The following COL4A5 variants were observed in gnomAD, a reference collection of about 807,000 sequenced individuals.
COL4A5 encodes the protein collagen alpha-5(IV) chain.
COL4A5 carries 26 observed loss-of-function variants against 130.2 expected under a neutral mutation model. The ratio of observed to expected loss-of-function variants is 0.20; its 90% confidence interval spans 0.15 to 0.28. COL4A5 has a LOEUF of 0.28. Ranked by LOEUF, COL4A5 falls within the 10% of genes least tolerant of loss-of-function variation. The probability of loss-of-function intolerance (pLI) is 1.00; values close to 1 mark genes in which losing one functional copy is unlikely to be tolerated. For missense variants in COL4A5, 1,131 were observed against 1,344.3 expected, an observed-to-expected ratio of 0.84 and a Z score of 2.48; for synonymous variants, 496 against 439.6, an observed-to-expected ratio of 1.13 and a Z score of -1.60.
rs1388962143 is a variant in COL4A5 at position 108,629,568 on chromosome X, A to G, written c.3246+3219A>G. Among the ~76,000 whole-genome samples, 5 of 111,771 alleles carry G rather than the reference A, an allele frequency of 4.5e-5. No homozygotes were observed. The East Asian group carries it at 1.1e-3, about 25-fold the overall frequency. On this transcript the variant is annotated intron_variant, in intron 36 of 52. Coordinates refer to ENST00000328300, the MANE Select transcript of COL4A5 (RefSeq NM_033380.3). ...TGACTCCAGTTTTTATCCTGAGCAA[A>G]TAGAGTGGAGTTGCTATATGCTGAA...
At chrX:108,648,138 A>G (rs756146107) in intron 36 of COL4A5, among the ~76,000 whole-genome samples, 1 of 111,328 alleles carries the variant, frequency 9.0e-6, no homozygotes, top group African/African-American at 3.3e-5. Flanking sequence ...ATTGATTGGA[A>G]TAATTTCAGA....
intron 36 of COL4A5, among the ~76,000 whole-genome samples, chrX:108,635,775 A>C (rs752678266): frequency 8.9e-6 from 1 of 112,472 alleles, no homozygotes; most frequent in South Asian, 3.6e-4. Flanking sequence ...GTAGGTACCA[A>C]AACAATTTAA....
intron 2 of COL4A5, among the ~76,000 whole-genome samples, chrX:108,540,445 C>A (rs973853013): frequency 9.1e-6 from 1 of 109,717 alleles, no homozygotes. Context: ...AGATGAAAGT[C>A]TTTTTTTTTG....
intron 1 of COL4A5, among the ~76,000 whole-genome samples, chrX:108,506,766 G>GTC (rs1399684546): frequency 1.8e-5 from 2 of 110,071 alleles, no homozygotes; most frequent in Admixed American, 9.7e-5. Flanking sequence ...GGACTCCTAA[G>GTC]AGATAGGTCT....
chrX:108,510,120 A>G (rs1032105374), intron 1 of COL4A5, among the ~76,000 whole-genome samples: 4 of 111,520 alleles, frequency 3.6e-5, no homozygotes, highest in Non-Finnish European at 7.5e-5. Context: ...ACTCATGAAC[A>G]CAGAAGGAAA....
At chrX:108,616,326 C>T (rs1342485673) in intron 30 of COL4A5, among the ~76,000 whole-genome samples, 1 of 110,202 alleles carries the variant, frequency 9.1e-6, no homozygotes, top group Non-Finnish European at 1.9e-5. Flanking sequence ...ACTGCAACCT[C>T]CTGGGCTCAA....
chrX:108,683,911 A>G (rs1430976036), intron 47 of COL4A5, among the ~76,000 whole-genome samples: 1 of 111,871 alleles, frequency 8.9e-6, no homozygotes, highest in East Asian at 2.8e-4. Flanking sequence ...TGCCCTGGCC[A>G]GAACTTCCAA....
chrX:108,530,169 A>C lies in COL4A5; in HGVS notation c.82-9577A>C, dbSNP rs886154150. The stretch of plus-strand genomic sequence containing the variant: ...GTGTTAGGTCACAATATAAGTCTCA[A>C]CAAATTTTAAAAATTGAAATAATAT... On this transcript the variant is annotated intron_variant, in intron 1 of 52. Transcript: ENST00000328300. Among the ~76,000 whole-genome samples, 8 of 111,812 alleles carry C rather than the reference A, an allele frequency of 7.2e-5. No homozygotes were observed. In the Admixed American group the frequency reaches 7.6e-4, roughly 11 times the overall value.
chrX:108,568,916 A>C, intron 6 of COL4A5, 95 bp downstream of exon 6: 1 of 768,194 alleles, frequency 1.3e-6, no homozygotes, highest in Non-Finnish European at 2.0e-6. Flanking sequence ...AAGAAGGGAT[A>C]TAGTGTCTTC....
chrX:108,658,088 A>G (rs2067879691), intron 37 of COL4A5, among the ~76,000 whole-genome samples: 1 of 110,860 alleles, frequency 9.0e-6, no homozygotes, highest in Admixed American at 9.7e-5. Context: ...TGTTAGTGCC[A>G]GGGTTTTGGC....
intron 1 of COL4A5, among the ~76,000 whole-genome samples, chrX:108,531,237 A>G (rs2065380635): frequency 1.1e-5 from 1 of 92,414 alleles, no homozygotes; most frequent in African/African-American, 3.9e-5. Flanking sequence ...GAGGGATAGC[A>G]TTAGGAGATA....
At chrX:108,595,633 A>G in intron 22 of COL4A5, 32 bp downstream of exon 22, 1 of 1,144,231 alleles carries the variant, frequency 8.7e-7, no homozygotes, top group East Asian at 3.0e-5. Context: ...CCTTCTAAAT[A>G]TTTTTTGGCT....
chrX:108,598,950 TC>T (rs1201922271), intron 25 of COL4A5, 80 bp downstream of exon 25: 2 of 1,001,967 alleles, frequency 2.0e-6, no homozygotes, highest in Non-Finnish European at 2.8e-6. Flanking sequence ...TGGCTTCCTT[TC>T]CCGAGAGGTG....
At chrX:108,510,808 C>A (rs2065173056) in intron 1 of COL4A5, among the ~76,000 whole-genome samples, 1 of 111,023 alleles carries the variant, frequency 9.0e-6, no homozygotes, top group African/African-American at 3.3e-5. Context: ...TTTTTACTGT[C>A]TATGTACTTT....
At chrX:108,605,142 A>G (rs924317309) in intron 28 of COL4A5, among the ~76,000 whole-genome samples, 3 of 112,017 alleles carry the variant, frequency 2.7e-5, no homozygotes, top group Non-Finnish European at 3.8e-5. Context: ...CACATTCACA[A>G]CTTGGCTAAC....
At chrX:108,575,578 G>A (rs1008309195) in intron 9 of COL4A5, among the ~76,000 whole-genome samples, 9 of 112,148 alleles carry the variant, frequency 8.0e-5, no homozygotes, top group Non-Finnish European at 1.5e-4. Flanking sequence ...TTAGGGGGCC[G>A]GGCACAGTGG....
At chrX:108,649,569 G>A (rs57074716) in intron 36 of COL4A5, among the ~76,000 whole-genome samples, 11,665 of 111,210 alleles carry the variant, frequency 0.1, 1,306 homozygotes, top group African/African-American at 0.34. Context: ...CACATAGACC[G>A]ATGGAACAGA....
chrX:108,451,943 T>G (rs1208620369), intron 1 of COL4A5, among the ~76,000 whole-genome samples: 1 of 111,916 alleles, frequency 8.9e-6, no homozygotes, highest in Non-Finnish European at 1.9e-5. Flanking sequence ...TCTTCTAGGG[T>G]TTTTATGGTT....
chrX:108,458,158 A>G (rs2064602247), intron 1 of COL4A5, among the ~76,000 whole-genome samples: 1 of 95,707 alleles, frequency 1.0e-5, no homozygotes, highest in African/African-American at 6.1e-5. Context: ...CCCCAAGGTC[A>G]CCAAGATTTT....
Sources: allele counts gnomAD v4.1 joint callset (sites outside exome capture counted in the v4.1 genomes callset), GRCh38; gene constraint gnomAD v4.1.1; transcripts MANE v1.5; gene names NCBI Gene and HGNC (gene_info 2026-07-23, HGNC 2026-07-21).